Variants in GABRB3 observed in about 807,000 individuals in gnomAD.
The protein encoded by GABRB3 is gamma-aminobutyric acid type A receptor subunit beta3, also known as gamma-aminobutyric acid receptor subunit beta-3.
GABRB3 carries 14 observed loss-of-function variants against 52.1 expected under a neutral mutation model. The ratio of observed to expected loss-of-function variants is 0.27; its 90% CI spans 0.18 to 0.42. The LOEUF (loss-of-function observed/expected upper bound fraction) is 0.42. GABRB3 is among the 10% of genes least tolerant of loss of function. The pLI is 1.00. For missense variants in GABRB3, 307 were observed against 609.1 expected (o/e 0.50, Z 5.22); for synonymous variants, 260 against 232.3 (o/e 1.12, Z -1.08).
At chr15:26,625,212 G>A (rs1007094568) in intron 3 of GABRB3, among the ~76,000 whole-genome samples, 1 of 152,086 alleles carries the variant, frequency 6.6e-6, no homozygotes, top group African/African-American at 2.4e-5. Context: ...GAGTGAGCTT[G>A]GCAGGGTGGG....
intron 3 of GABRB3, among the ~76,000 whole-genome samples, chr15:26,724,267 G>A (rs1889715259): frequency 6.6e-6 from 1 of 152,082 alleles, no homozygotes; most frequent in Non-Finnish European, 1.5e-5. Flanking sequence ...CATCACAGCT[G>A]AGAAATAAAA....
chr15:26,574,063 G>A (rs973777583), intron 6 of GABRB3, among the ~76,000 whole-genome samples: 14 of 152,092 alleles, frequency 9.2e-5, no homozygotes, highest in African/African-American at 3.1e-4. Flanking sequence ...AGAAAAGAAT[G>A]CTTATAAAAA....
chr15:26,643,647 TGG>T (rs1595504946), intron 3 of GABRB3, among the ~76,000 whole-genome samples: 4 of 148,536 alleles, frequency 2.7e-5, no homozygotes, highest in South Asian at 2.2e-4. Flanking sequence ...TGTGTGTGTG[TGG>T]GTTCACCCTA....
At chr15:26,578,970 C>A (rs1251013158) in intron 6 of GABRB3, among the ~76,000 whole-genome samples, 3 of 152,226 alleles carry the variant, frequency 2.0e-5, no homozygotes, top group Admixed American at 2.0e-4. Flanking sequence ...AATGCAGGGA[C>A]ATCTGCAAGA....
intron 3 of GABRB3, among the ~76,000 whole-genome samples, chr15:26,750,674 G>C (rs1253188971): frequency 6.6e-6 from 1 of 152,078 alleles, no homozygotes; most frequent in Non-Finnish European, 1.5e-5. Flanking sequence ...AGCTGCTTTA[G>C]AGTAAAATGG....
rs117050517 is a variant in GABRB3 at position 26,548,101 on chromosome 15, G to A, written c.1114C>T (p.Leu372=). 1 of 1,614,112 alleles carries A rather than the reference G, an allele frequency of 6.2e-7. No individual in the cohort carries two copies. The highest frequency in any genetic ancestry group is 8.5e-7 in the Non-Finnish European group (1 of 1,180,010). ...DAHGNILLTS[L]EVHNEMNEVS... is the part of the protein sequence containing the mutation. ...TCATTCATTTCATTGTGAACTTCCA[G>A]CGATGTCAACAGAATATTTCCATGA... Residue 372 remains leucine, a synonymous_variant, in exon 9 of 9, where the codon CTG becomes TTG. Coordinates refer to ENST00000311550, the MANE Select transcript of GABRB3 (RefSeq NM_000814.6).
chr15:26,654,345 A>G (rs1887298293), intron 3 of GABRB3, among the ~76,000 whole-genome samples: 1 of 152,128 alleles, frequency 6.6e-6, no homozygotes, highest in Non-Finnish European at 1.5e-5. Flanking sequence ...ACAGGGTTTC[A>G]CCATGTTAGC....
chr15:26,591,533 A>G (rs955310652), intron 4 of GABRB3, among the ~76,000 whole-genome samples: 1 of 152,184 alleles, frequency 6.6e-6, no homozygotes, highest in Non-Finnish European at 1.5e-5. Context: ...CACGCTACAC[A>G]AAGCCGCAAA....
chr15:26,606,639 A>G (rs1468298804), intron 4 of GABRB3, among the ~76,000 whole-genome samples: 1 of 152,082 alleles, frequency 6.6e-6, no homozygotes, highest in Non-Finnish European at 1.5e-5. Context: ...ACAATAATAG[A>G]AGTCCTTGCT....
At chr15:26,572,364 T>C (rs1465569828) in intron 6 of GABRB3, among the ~76,000 whole-genome samples, 1 of 152,206 alleles carries the variant, frequency 6.6e-6, no homozygotes, top group Non-Finnish European at 1.5e-5. Flanking sequence ...GAGACATTCA[T>C]GGTTGAATAG....
intron 3 of GABRB3, among the ~76,000 whole-genome samples, chr15:26,682,918 C>T (rs1214517679): frequency 1.3e-5 from 2 of 152,220 alleles, no homozygotes; most frequent in Admixed American, 6.5e-5. Context: ...CAAAGAGCAG[C>T]TCCTCTCACA....
chr15:26,565,175 T>TGAA, intron 7 of GABRB3, among the ~76,000 whole-genome samples: 1 of 151,924 alleles, frequency 6.6e-6, no homozygotes, highest in Non-Finnish European at 1.5e-5. Context: ...GTATTGATGA[T>TGAA]GATGATGATG....
intron 3 of GABRB3, chr15:26,624,602 A>AGG: frequency 6.1e-6 from 6 of 985,462 alleles, no homozygotes; most frequent in Non-Finnish European, 7.2e-6. Flanking sequence ...GTGTCTGCTG[A>AGG]GGTGACTTGA....
At chr15:26,752,488 C>G (rs1376671727) in intron 3 of GABRB3, among the ~76,000 whole-genome samples, 19 of 152,066 alleles carry the variant, frequency 1.2e-4, no homozygotes, top group Admixed American at 1.2e-3. Flanking sequence ...TGGTCTCGAT[C>G]TCCTGACCTC....
rs149446727 is a variant in GABRB3, at chr15:26,652,083, A to G, written c.241-30549T>C. Reference sequence around the variant, plus strand: ...CCACCTATGAGCCTTCCTCTACATAACAAGAGCCTTAGCCCCACAACCCCC... The same window carrying G: ...CCACCTATGAGCCTTCCTCTACATAGCAAGAGCCTTAGCCCCACAACCCCC... On this transcript the variant is annotated intron_variant, in intron 3 of 8. Transcript: ENST00000311550. 3.5e-3 allele frequency among the ~76,000 whole-genome samples: 530 copies of G among 152,260 alleles called. 4 individuals are homozygous for G. The highest frequency in any genetic ancestry group is 0.012 in the African/African-American group (506 of 41,548).
At chr15:26,595,860 T>C (rs1473216224) in intron 4 of GABRB3, among the ~76,000 whole-genome samples, 1 of 152,198 alleles carries the variant, frequency 6.6e-6, no homozygotes, top group East Asian at 1.9e-4. Context: ...TCGATTGTCC[T>C]ATGCATTCCC....
At chr15:26,652,191 A>G (rs1234864654) in intron 3 of GABRB3, among the ~76,000 whole-genome samples, 1 of 152,304 alleles carries the variant, frequency 6.6e-6, no homozygotes, top group East Asian at 1.9e-4. Flanking sequence ...CAACTAAGAA[A>G]TCTCTAAAAC....
chr15:26,712,111 G>A (rs921456988), intron 3 of GABRB3, among the ~76,000 whole-genome samples: 1 of 152,130 alleles, frequency 6.6e-6, no homozygotes, highest in Non-Finnish European at 1.5e-5. Flanking sequence ...CCAGGGAGGT[G>A]GGCAGAGGGA....
intron 3 of GABRB3, among the ~76,000 whole-genome samples, chr15:26,730,795 C>A (rs1456437021): frequency 1.3e-5 from 2 of 152,146 alleles, no homozygotes; most frequent in African/African-American, 4.8e-5. Context: ...CCATATCGCA[C>A]GAATTGCTCA....
Sources: allele counts gnomAD v4.1 joint callset (sites outside exome capture counted in the v4.1 genomes callset), GRCh38; gene constraint gnomAD v4.1.1; transcripts MANE v1.5; gene names NCBI Gene and HGNC (gene_info 2026-07-23, HGNC 2026-07-21).